The following ARAF variants were observed in gnomAD, a reference collection of about 807,000 sequenced individuals.
The protein encoded by ARAF is serine/threonine-protein kinase A-Raf.
A neutral mutation model predicts 48.0 loss-of-function variants in ARAF; 18 were observed. The observed-to-expected ratio is 0.37, with a 90% CI of 0.26 to 0.56. The LOEUF is 0.56. Ranked by LOEUF, ARAF falls within the 20% of genes least tolerant of loss-of-function variation. ARAF has a pLI of 0.77. For missense variants in ARAF, 389 were observed against 543.1 expected, an observed-to-expected ratio of 0.72 and a Z score of 2.82; for synonymous variants, 207 against 220.1, an observed-to-expected ratio of 0.94 and a Z score of 0.53.
chrX:47,564,359 G>A (rs913427023), intron 3 of ARAF, among the ~76,000 whole-genome samples: 1 of 111,983 alleles, frequency 8.9e-6, no homozygotes, highest in Non-Finnish European at 1.9e-5. Context: ...TCTGTCTGCT[G>A]AGTTGGGTCT....
chrX:47,571,125 GT>G, intron 15 of ARAF, 113 bp downstream of exon 15: 1 of 963,713 alleles, frequency 1.0e-6, no homozygotes, highest in Non-Finnish European at 1.4e-6. Flanking sequence ...GTGTGTGTGT[GT>G]GTGTGTGTGT....
intron 1 of ARAF, among the ~76,000 whole-genome samples, chrX:47,562,626 C>G (rs2057715030): frequency 9.0e-6 from 1 of 110,579 alleles, no homozygotes; most frequent in Non-Finnish European, 1.9e-5. Context: ...CCTCTACCCT[C>G]CAAGACAGTA....
In ARAF at chrX:47,567,519, G is replaced by A. The variant is rs973054772; in HGVS notation, c.1076+87G>A. 1.8e-5 allele frequency: 18 copies of A among 975,257 alleles called. No homozygotes were observed. In the African/African-American group the frequency reaches 3.1e-4, roughly 17 times the overall value. The allele number at this position is 975,257 out of a possible 1,213,427, so 80.4% of individuals were successfully genotyped here. On this transcript the variant is annotated intron_variant, in intron 10 of 15. Transcript: ENST00000377045. ...AAGGCCATGCTTGGAGTGCTTCCTG[G>A]ACATCACCTGTGTTTGTGTTGTTAA...
intron 14 of ARAF, 117 bp downstream of exon 14, chrX:47,570,141 T>C: frequency 1.1e-6 from 1 of 918,754 alleles, no homozygotes; most frequent in African/African-American, 2.0e-5. Flanking sequence ...AACCTAAAAT[T>C]TTCTAGGATA....
intron 6 of ARAF, among the ~76,000 whole-genome samples, chrX:47,566,156 T>G (rs2057731772): frequency 9.0e-6 from 1 of 111,538 alleles, no homozygotes; most frequent in Non-Finnish European, 1.9e-5. Context: ...ATGATACATA[T>G]TATATAACAT....
intron 14 of ARAF, among the ~76,000 whole-genome samples, chrX:47,570,409 C>T (rs1282556530): frequency 2.7e-5 from 3 of 110,643 alleles, no homozygotes; most frequent in Non-Finnish European, 3.8e-5. Flanking sequence ...CTCATTTCTC[C>T]CAGCATCCCA....
intron 1 of ARAF, among the ~76,000 whole-genome samples, chrX:47,561,837 A>G (rs1254764793): frequency 9.3e-6 from 1 of 107,871 alleles, no homozygotes; most frequent in African/African-American, 3.4e-5. Flanking sequence ...TCCTTTTGCT[A>G]TGACAATGTC....
intron 14 of ARAF, 99 bp from the exon 15 acceptor site, chrX:47,570,779 C>T (rs968182480): frequency 5.7e-6 from 5 of 878,223 alleles, no homozygotes; most frequent in African/African-American, 2.0e-5. Flanking sequence ...TACCCCAGCT[C>T]GCTAAAAATG....
chrX:47,569,920 C>T lies in ARAF; in HGVS notation c.1447C>T (p.Pro483Ser), dbSNP rs1339247916. ...MAAEVIRMQDPNPYSFQSDVY... is the reference protein window; with the variant it reads ...MAAEVIRMQDSNPYSFQSDVY... ...AGCTGAGGTGATCCGTATGCAGGAC[C>T]CGAACCCCTACAGCTTCCAGTCAGA... Residue 483 changes from proline (P) to serine (S), a missense_variant, in exon 14 of 16, where the codon CCG becomes TCG. Physicochemically the swap from Pro to Ser is moderately conservative, Grantham distance 74 (BLOSUM62 -1). Coordinates refer to ENST00000377045, the MANE Select transcript of ARAF (RefSeq NM_001654.5). The T allele has an allele frequency of 8.3e-7, 1 of 1,207,190 alleles. No homozygotes were observed. The highest frequency in any genetic ancestry group is 1.8e-5 in the South Asian group (1 of 56,163).
Position 47,571,443 on chromosome X carries a change from C to A in ARAF, c.1807C>A (p.Arg603Ser). 1.7e-6 allele frequency: 2 copies of A among 1,205,158 alleles called. No homozygotes were observed. Among genetic ancestry groups the A allele is most frequent in the Non-Finnish European group, 2.2e-6 (2 of 892,373 alleles). Residue 603 changes from arginine to serine, a missense_variant, in exon 16 of 16, where the codon CGC (arginine) becomes AGC (serine). Arg to Ser is a moderately radical substitution (Grantham distance 110). Transcript: ENST00000377045. ...GCCTGCCTGCCTACTCAGCGCAGCC[C>A]GCCTTGTGCCTTAGGCCCCGCCCAA... ...ELPACLLSAA[R>S]LVP
intron 12 of ARAF, 53 bp from the exon 13 acceptor site, chrX:47,569,486 G>A (rs1300724530): frequency 9.5e-7 from 1 of 1,052,783 alleles, no homozygotes; most frequent in Non-Finnish European, 1.3e-6. Flanking sequence ...CTCCCAGGCA[G>A]GGTGAGAGGC....
chrX:47,571,642 A>C lies in ARAF; in HGVS notation c.*185A>C. On this transcript the variant is annotated 3_prime_UTR_variant, in exon 16 of 16. Coordinates refer to ENST00000377045, the MANE Select transcript of ARAF (RefSeq NM_001654.5). ...TGGAATTGGGGGACCCCCGCCAAAG[A>C]CTGAGCCCCCTGTCTCCTCCATCAT... 1.6e-6 allele frequency: 1 copy of C among 608,696 alleles called. No homozygotes were observed. The highest frequency in any genetic ancestry group is 2.4e-6 in the Non-Finnish European group (1 of 417,598). The allele number at this position is 608,696 out of a possible 1,213,427, so 50.2% of individuals were successfully genotyped here. A position where few individuals can be genotyped will look rare whatever the true frequency, so the allele number is the denominator to read the frequency against.
intron 14 of ARAF, 34 bp from the exon 15 acceptor site, chrX:47,570,844 A>G (rs2057752782): frequency 8.5e-7 from 1 of 1,180,375 alleles, no homozygotes; most frequent in Admixed American, 2.3e-5. Flanking sequence ...CCCTGACCCC[A>G]GATCACCCCT....
At chrX:47,570,320 C>A in intron 14 of ARAF, 1 of 264,701 alleles carries the variant, frequency 3.8e-6, no homozygotes, top group South Asian at 9.0e-5. Flanking sequence ...CCAAATACCC[C>A]AAAGCCCTCT....
At chrX:47,570,816 T>C (rs2057752528) in intron 14 of ARAF, 62 bp from the exon 15 acceptor site, 2 of 1,132,333 alleles carry the variant, frequency 1.8e-6, no homozygotes, top group African/African-American at 1.8e-5. Flanking sequence ...CAATACAAAA[T>C]TCCTTGGGCC....
In ARAF at chrX:47,569,932, A is replaced by G. The variant is rs1474543275; in HGVS notation, c.1459A>G (p.Ser487Gly). Residue 487 changes from serine to glycine, a missense_variant, in exon 14 of 16, where the codon AGC (serine) becomes GGC (glycine). Physicochemically the swap from Ser to Gly is moderately conservative, Grantham distance 56. Around this residue, in one of 4 missense-constraint regions of ARAF, gnomAD observed 170 missense variants for 281.4 expected, o/e 0.60. Transcript: ENST00000377045. Reference protein sequence around the residue: ...VIRMQDPNPYSFQSDVYAYGV... With the variant: ...VIRMQDPNPYGFQSDVYAYGV... The stretch of plus-strand genomic sequence containing the variant: ...CCGTATGCAGGACCCGAACCCCTAC[A>G]GCTTCCAGTCAGACGTCTATGCCTA... 1 of 1,204,237 alleles carries G rather than the reference A, an allele frequency of 8.3e-7. No homozygotes were observed. The highest frequency in any genetic ancestry group is 1.1e-6 in the Non-Finnish European group (1 of 892,827).
At chrX:47,569,465 C>T (rs2057746247) in intron 12 of ARAF, 74 bp from the exon 13 acceptor site, 3 of 879,122 alleles carry the variant, frequency 3.4e-6, no homozygotes, top group Non-Finnish European at 3.3e-6. Flanking sequence ...TATAGGGGCA[C>T]CAATGGGAAC....
chrX:47,565,161 T>C, intron 5 of ARAF, 22 bp downstream of exon 5: 7 of 1,197,469 alleles, frequency 5.8e-6, no homozygotes, highest in Non-Finnish European at 7.9e-6. Flanking sequence ...CTGGGGTGGG[T>C]GGGGGGATGG....
intron 6 of ARAF, 119 bp from the exon 7 acceptor site, chrX:47,566,520 A>T: frequency 1.4e-6 from 1 of 719,423 alleles, no homozygotes; most frequent in Non-Finnish European, 2.0e-6. Flanking sequence ...GAATAATAGT[A>T]CTGCCAGTGG....
Sources: allele counts gnomAD v4.1 joint callset (sites outside exome capture counted in the v4.1 genomes callset), GRCh38; gene constraint gnomAD v4.1.1; regional missense constraint gnomAD v4.1.1; transcripts MANE v1.5; gene names NCBI Gene and HGNC (gene_info 2026-07-23, HGNC 2026-07-21).